ADAM22: variants seen among roughly 807,000 people sequenced by gnomAD.
The protein encoded by ADAM22 is disintegrin and metalloproteinase domain-containing protein 22.
In ADAM22, 65 loss-of-function variants were observed where a neutral mutation model predicts 144.6. That is an observed-to-expected ratio of 0.45 (90% CI 0.37 to 0.55). The LOEUF (loss-of-function observed/expected upper bound fraction) is 0.55. Ranked by LOEUF, ADAM22 falls within the 20% of genes least tolerant of loss-of-function variation. The probability of loss-of-function intolerance (pLI) is 0.00; values close to 1 mark genes in which losing one functional copy is unlikely to be tolerated. For missense variants in ADAM22, 974 were observed against 1,184.9 expected (o/e 0.82, Z 2.61); for synonymous variants, 391 against 412.6 (o/e 0.95, Z 0.63).
At chr7:88,111,982 T>A (rs1480697351) in intron 5 of ADAM22, among the ~76,000 whole-genome samples, 1 of 152,328 alleles carries the variant, frequency 6.6e-6, no homozygotes, top group Non-Finnish European at 1.5e-5. Flanking sequence ...TCAGTACTAT[T>A]TTAAGAAAAT....
chr7:88,135,266 A>G (rs1832737825), intron 13 of ADAM22, among the ~76,000 whole-genome samples: 1 of 115,918 alleles, frequency 8.6e-6, no homozygotes, highest in Non-Finnish European at 1.6e-5. Context: ...CCACAGAGCG[A>G]GACTCCATCT....
At chr7:87,941,363 G>A (rs1308116825) in intron 2 of ADAM22, among the ~76,000 whole-genome samples, 3 of 152,180 alleles carry the variant, frequency 2.0e-5, no homozygotes, top group Admixed American at 6.5e-5. Flanking sequence ...GCATGGATGA[G>A]CTGTACTTTA....
In ADAM22 at chr7:87,934,396, G is replaced by C; in HGVS notation, c.-70G>C. ...CGGGGACCCCGGGGGCGCGGAGCGA[G>C]GGAAACGGACTCGGCGGCGCCGGCA... On this transcript the variant is annotated 5_prime_UTR_variant, in exon 1 of 32. Transcript: ENST00000413139. 1 of 1,479,054 alleles carries C rather than the reference G, an allele frequency of 6.8e-7. No individual in the cohort carries two copies. Among genetic ancestry groups the C allele is most frequent in the Non-Finnish European group, 9.1e-7 (1 of 1,100,682 alleles). 91.6% of individuals were successfully genotyped at this position (1,479,054 alleles called of 1,614,324 possible).
At chr7:88,191,571 C>T (rs1343077811) in intron 30 of ADAM22, among the ~76,000 whole-genome samples, 1 of 152,036 alleles carries the variant, frequency 6.6e-6, no homozygotes, top group Non-Finnish European at 1.5e-5. Context: ...TTACATGTAC[C>T]AAATTTGTTT....
In ADAM22 at chr7:88,196,849, G is replaced by C. The variant is rs1850739944; in HGVS notation, c.*358G>C. On this transcript the variant is annotated 3_prime_UTR_variant, in exon 32 of 32. Transcript: ENST00000413139. ...TTCCTAAGGTACAATAGTGGATTCA[G>C]AACTTGACGTTCTGAGGCACATCCT... The C allele has an allele frequency of 3.9e-6, 1 of 254,118 alleles. No individual in the cohort carries two copies. The highest frequency in any genetic ancestry group is 4.7e-5 in the Admixed American group (1 of 21,166). The allele number at this position is 254,118 out of a possible 1,614,324, so 15.7% of individuals were successfully genotyped here. A position where few individuals can be genotyped will look rare whatever the true frequency, so the allele number is the denominator to read the frequency against.
intron 30 of ADAM22, 151 bp from the exon 31 acceptor site, chr7:88,192,965 G>A (rs1849935065): frequency 1.2e-6 from 1 of 848,792 alleles, no homozygotes; most frequent in Non-Finnish European, 1.8e-6. Context: ...TCACTGTTGA[G>A]AATGACAGAA....
intron 2 of ADAM22, among the ~76,000 whole-genome samples, chr7:87,954,700 A>G (rs1398754090): frequency 6.6e-6 from 1 of 152,100 alleles, no homozygotes; most frequent in Non-Finnish European, 1.5e-5. Context: ...GCCTTGCTAG[A>G]TTGGGGAAGT....
At chr7:88,113,703 A>AATGTGTATATATATATATATATATAT (rs1554478727) in intron 5 of ADAM22, among the ~76,000 whole-genome samples, 2 of 48,108 alleles carry the variant, frequency 4.2e-5, no homozygotes, top group Non-Finnish European at 7.5e-5. Context: ...TAAATAAATA[A>AATGTGTATATATATATATATATATAT]ATATATATAT....
intron 3 of ADAM22, among the ~76,000 whole-genome samples, chr7:88,044,984 C>T (rs943501625): frequency 4.0e-5 from 6 of 151,768 alleles, no homozygotes; most frequent in Non-Finnish European, 7.4e-5. Flanking sequence ...CTCGGCCTCC[C>T]AAAGTGCTGG....
At chr7:88,032,982 C>A (rs1187480862) in intron 3 of ADAM22, among the ~76,000 whole-genome samples, 1 of 152,210 alleles carries the variant, frequency 6.6e-6, no homozygotes, top group African/African-American at 2.4e-5. Flanking sequence ...GCCGATCCAA[C>A]CTCTTTTCTA....
At chr7:88,103,362 G>A (rs1823470826) in intron 4 of ADAM22, among the ~76,000 whole-genome samples, 1 of 151,912 alleles carries the variant, frequency 6.6e-6, no homozygotes. Context: ...TTTGCTATCT[G>A]TTTAATAAAA....
intron 3 of ADAM22, among the ~76,000 whole-genome samples, chr7:88,042,744 G>A (rs978209507): frequency 6.6e-6 from 1 of 151,608 alleles, no homozygotes; most frequent in African/African-American, 2.4e-5. Context: ...CTGACATTTT[G>A]CACTTGATTA....
intron 3 of ADAM22, among the ~76,000 whole-genome samples, chr7:88,023,084 A>G (rs1798179862): frequency 1.3e-5 from 2 of 152,130 alleles, no homozygotes; most frequent in Admixed American, 1.3e-4. Flanking sequence ...TAATGAATTT[A>G]CTGATTTTTG....
chr7:88,156,062 G>C (rs1442551845), intron 22 of ADAM22, 56 bp downstream of exon 22: 1 of 1,589,364 alleles, frequency 6.3e-7, no homozygotes, highest in Non-Finnish European at 8.6e-7. Context: ...CAGGAATGCA[G>C]TTTAGGATTC....
At chr7:87,945,239 A>G (rs1843407801) in intron 2 of ADAM22, among the ~76,000 whole-genome samples, 1 of 152,320 alleles carries the variant, frequency 6.6e-6, no homozygotes, top group South Asian at 2.1e-4. Context: ...TGTTAAATAA[A>G]TGTATGTTGT....
At chr7:88,173,847 G>A (rs1844957543) in intron 26 of ADAM22, among the ~76,000 whole-genome samples, 1 of 152,112 alleles carries the variant, frequency 6.6e-6, no homozygotes, top group Non-Finnish European at 1.5e-5. Flanking sequence ...GTGACGGGAA[G>A]TTATTAGCAT....
rs1162657777 is a variant in ADAM22, at chr7:88,172,253, A to G, written c.2300+692A>G. Among the ~76,000 whole-genome samples the G allele has an allele frequency of 3.3e-5, 5 of 151,968 alleles. No individual in the cohort carries two copies. In the East Asian group the frequency reaches 7.7e-4, roughly 23 times the overall value. ...AAAATGTTCATGTTGTTCTATAACA[A>G]TTGCCTATTTTATCTGAATCTAAAT... On this transcript the variant is annotated intron_variant, in intron 26 of 31. Transcript: ENST00000413139.
chr7:87,959,639 G>A (rs1162955947), intron 2 of ADAM22, among the ~76,000 whole-genome samples: 1 of 152,090 alleles, frequency 6.6e-6, no homozygotes, highest in Non-Finnish European at 1.5e-5. Flanking sequence ...TAAAAAACAT[G>A]TTTTGCCTGA....
intron 22 of ADAM22, among the ~76,000 whole-genome samples, chr7:88,158,816 C>T (rs1476932321): frequency 6.6e-6 from 1 of 151,820 alleles, no homozygotes; most frequent in East Asian, 1.9e-4. Flanking sequence ...AGAAAGCTCT[C>T]AAATTAACAA....
Sources: allele counts gnomAD v4.1 joint callset (sites outside exome capture counted in the v4.1 genomes callset), GRCh38; gene constraint gnomAD v4.1.1; transcripts MANE v1.5; gene names NCBI Gene and HGNC (gene_info 2026-07-23, HGNC 2026-07-21).